The following ZNF716 variants were observed in gnomAD, a reference collection of about 807,000 sequenced individuals.
ZNF716 encodes the protein zinc finger protein 716.
A neutral mutation model predicts 13.4 loss-of-function variants in ZNF716; 9 were observed. The observed-to-expected ratio is 0.67, with a 90% confidence interval of 0.41 to 1.18. The LOEUF (loss-of-function observed/expected upper bound fraction) is 1.18. ZNF716 is among the 50% of genes most tolerant of loss of function. ZNF716 has a pLI of 0.01. For synonymous variants in ZNF716, 186 were observed against 195.2 expected (o/e 0.95, Z 0.39); for missense variants, 581 against 576.6 (o/e 1.01, Z -0.08).
rs1554325104 is a variant in ZNF716 at position 57,470,348 on chromosome 7, G to C, written c.*399G>C. ...CTGGCTGAGTTTTGTATTTTTAGTAGAGATGGGGTTTCACCATTTTGACCA... is the reference window on the plus strand; with the variant it reads ...CTGGCTGAGTTTTGTATTTTTAGTACAGATGGGGTTTCACCATTTTGACCA... On this transcript the variant is annotated 3_prime_UTR_variant, in exon 4 of 4. Coordinates refer to ENST00000420713, the MANE Select transcript of ZNF716 (RefSeq NM_001159279.1). 6.2e-6 allele frequency: 1 copy of C among 162,404 alleles called. No individual in the cohort carries two copies. Among genetic ancestry groups the C allele is most frequent in the Non-Finnish European group, 1.3e-5 (1 of 74,292 alleles). The allele number at this position is 162,404 out of a possible 1,614,324, so 10.1% of individuals were successfully genotyped here.
intron 3 of ZNF716, 145 bp from the exon 4 acceptor site, chr7:57,468,579 A>G (rs1583723876): frequency 3.7e-6 from 3 of 815,120 alleles, no homozygotes; most frequent in Admixed American, 6.4e-5. Flanking sequence ...TGTTACATTT[A>G]TACATCTATG....
intron 3 of ZNF716, among the ~76,000 whole-genome samples, chr7:57,464,317 C>T (rs1418298479): frequency 1.3e-4 from 19 of 151,802 alleles, no homozygotes; most frequent in African/African-American, 3.6e-4. Context: ...GATGGAGTTT[C>T]GCCATGTTGT....
Position 57,469,961 on chromosome 7 carries a change from C to T in ZNF716, c.*12C>T. On this transcript the variant is annotated 3_prime_UTR_variant, in exon 4 of 4. Transcript: ENST00000420713. ...ACAAATATGAATAATGTGGTAAAGT[C>T]CAGCCCTCAGGCCTTATAATACATA... 1 of 1,532,218 alleles carries T rather than the reference C, an allele frequency of 6.5e-7. No homozygotes were observed. 94.9% of individuals were successfully genotyped at this position (1,532,218 alleles called of 1,614,324 possible). A position where few individuals can be genotyped will look rare whatever the true frequency, so the allele number is the denominator to read the frequency against.
Position 57,462,510 on chromosome 7 carries a change from G to T in ZNF716, c.90G>T (p.Trp30Cys). 1 of 1,613,870 alleles carries T rather than the reference G, an allele frequency of 6.2e-7. No individual in the cohort carries two copies. The highest frequency in any genetic ancestry group is 2.2e-5 in the East Asian group (1 of 44,848). ...DIAIEFSLAE[W>C]QCLDHAQQNL... is the part of the protein sequence containing the mutation. Reference sequence around the variant, plus strand: ...CTATAGAATTTTCTCTGGCGGAATGGCAATGCCTGGATCATGCTCAGCAGA... The same window carrying T: ...CTATAGAATTTTCTCTGGCGGAATGTCAATGCCTGGATCATGCTCAGCAGA... Residue 30 changes from tryptophan to cysteine, a missense_variant, in exon 2 of 4, where the codon TGG (tryptophan) becomes TGT (cysteine). Physicochemically the swap from Trp to Cys is radical, Grantham distance 215 (BLOSUM62 -2). Coordinates refer to ENST00000420713, the MANE Select transcript of ZNF716 (RefSeq NM_001159279.1).
Position 57,469,309 on chromosome 7 carries a change from T to TTA in ZNF716, c.849_850dup (p.Thr284IlefsTer62), listed in dbSNP as rs1158918436. 1.3e-5 allele frequency: 20 copies of TTA among 1,589,070 alleles called. No individual in the cohort carries two copies. The highest frequency in any genetic ancestry group is 6.9e-5 in the Admixed American group (4 of 58,180). ...GGCAAAGTCTTTAGCCGCTCAACAC[T>TTA]TACTAACTACAAGAGAATTCATACT... On this transcript the variant is annotated frameshift_variant, in exon 4 of 4. Transcript: ENST00000420713. LOFTEE classifies it low-confidence loss of function (END_TRUNC).
chr7:57,457,551 C>T (rs1789620256), intron 1 of ZNF716, among the ~76,000 whole-genome samples: 1 of 152,064 alleles, frequency 6.6e-6, no homozygotes, highest in Admixed American at 6.6e-5. Flanking sequence ...ACAATGGTGG[C>T]CAGGCTGGTC....
At chr7:57,464,953 A>G (rs1474624097) in intron 3 of ZNF716, among the ~76,000 whole-genome samples, 1 of 152,168 alleles carries the variant, frequency 6.6e-6, no homozygotes, top group African/African-American at 2.4e-5. Flanking sequence ...TTATGTGAAT[A>G]CCACATAGTT....
At chr7:57,454,281 C>T (rs1212972340) in intron 1 of ZNF716, among the ~76,000 whole-genome samples, 2 of 152,342 alleles carry the variant, frequency 1.3e-5, no homozygotes, top group East Asian at 1.9e-4. Context: ...GAGATAGATA[C>T]TTTTGCTTTT....
Position 57,450,208 on chromosome 7 carries a change from C to A in ZNF716, c.-81C>A. On this transcript the variant is annotated 5_prime_UTR_variant, in exon 1 of 4. Transcript: ENST00000420713. ...GCTTCTCTGCGCCCAGAGCTCCAGTCCTTCTCTTCACTGCTCTGCGTCCTC... is the reference window on the plus strand; with the variant it reads ...GCTTCTCTGCGCCCAGAGCTCCAGTACTTCTCTTCACTGCTCTGCGTCCTC... 1 of 1,600,204 alleles carries A rather than the reference C, an allele frequency of 6.2e-7. No individual in the cohort carries two copies. The highest frequency in any genetic ancestry group is 1.7e-5 in the Admixed American group (1 of 58,500).
At chr7:57,461,547 G>A (rs1285071010) in intron 1 of ZNF716, among the ~76,000 whole-genome samples, 1 of 152,038 alleles carries the variant, frequency 6.6e-6, no homozygotes, top group Non-Finnish European at 1.5e-5. Context: ...CTTTTTAGAT[G>A]ATTTTTGCAT....
intron 3 of ZNF716, 112 bp from the exon 4 acceptor site, chr7:57,468,612 T>A (rs1789854985): frequency 9.0e-7 from 1 of 1,112,206 alleles, no homozygotes; most frequent in Non-Finnish European, 1.2e-6. Flanking sequence ...CTTGTGGTAT[T>A]TTGATATGCC....
Position 57,470,179 on chromosome 7 carries a change from T to G in ZNF716, c.*230T>G. 1 of 375,714 alleles carries G rather than the reference T, an allele frequency of 2.7e-6. No homozygotes were observed. The highest frequency in any genetic ancestry group is 4.5e-6 in the Non-Finnish European group (1 of 221,320). 23.3% of individuals were successfully genotyped at this position (375,714 alleles called of 1,614,324 possible). On this transcript the variant is annotated 3_prime_UTR_variant, in exon 4 of 4. Coordinates refer to ENST00000420713, the MANE Select transcript of ZNF716 (RefSeq NM_001159279.1). ...CAAGAGAATTTATTTAAAAAAATTTTTTTGAGACAGAGTCTCACTTTGTCA... is the reference window on the plus strand; with the variant it reads ...CAAGAGAATTTATTTAAAAAAATTTGTTTGAGACAGAGTCTCACTTTGTCA...
In ZNF716 at chr7:57,463,167, A is replaced by G. The variant is rs577243689; in HGVS notation, c.261A>G (p.Pro87=). The change falls in exon 3 of 4, where the codon CCA becomes CCG. Residue 87 remains proline (P), a splice_region_variant and synonymous_variant. Coordinates refer to ENST00000420713, the MANE Select transcript of ZNF716 (RefSeq NM_001159279.1). ...GAAATGAGATGGTAGCCAAACACCCAGGTAGGTGAGAGCGAATGAAGCAGA... is the reference window on the plus strand; with the variant it reads ...GAAATGAGATGGTAGCCAAACACCCGGGTAGGTGAGAGCGAATGAAGCAGA... The part of the protein sequence containing the change: ...IKRNEMVAKH[P]VTCSHFTQDL... The G allele has an allele frequency of 1.5e-5, 24 of 1,607,244 alleles. No homozygotes were observed. In the African/African-American group the frequency reaches 3.2e-4, roughly 21 times the overall value.
At chr7:57,468,465 ACTTTT>A (rs1789853005) in intron 3 of ZNF716, among the ~76,000 whole-genome samples, 1 of 152,238 alleles carries the variant, frequency 6.6e-6, no homozygotes, top group Non-Finnish European at 1.5e-5. Flanking sequence ...AATGTAGCAG[ACTTTT>A]CTTTTGTCTC....
Position 57,473,177 on chromosome 7 carries a change from A to G in ZNF716, c.*3228A>G, listed in dbSNP as rs1202467269. 1 of 152,200 alleles carries G rather than the reference A, an allele frequency of 6.6e-6. No homozygotes were observed. Among genetic ancestry groups the G allele is most frequent in the African/African-American group, 2.4e-5 (1 of 41,448 alleles). The allele number at this position is 152,200 out of a possible 1,614,324, so 9.4% of individuals were successfully genotyped here. A position where few individuals can be genotyped will look rare whatever the true frequency, so the allele number is the denominator to read the frequency against. ...TTGCACATGTGGCATCTCTGCTGAC[A>G]AACAAAAACAGACTTTTAGTTTCAA... On this transcript the variant is annotated 3_prime_UTR_variant, in exon 4 of 4. Coordinates refer to ENST00000420713, the MANE Select transcript of ZNF716 (RefSeq NM_001159279.1).
At chr7:57,464,137 T>C (rs1456775819) in intron 3 of ZNF716, among the ~76,000 whole-genome samples, 2 of 148,214 alleles carry the variant, frequency 1.3e-5, no homozygotes, top group African/African-American at 5.0e-5. Flanking sequence ...TTTTTTTTTT[T>C]TGAGATGGAG....
chr7:57,458,911 T>C (rs1167809064), intron 1 of ZNF716, among the ~76,000 whole-genome samples: 1 of 152,200 alleles, frequency 6.6e-6, no homozygotes, highest in South Asian at 2.1e-4. Flanking sequence ...CTTGTTGATG[T>C]GGATGTTTAG....
chr7:57,451,986 C>G (rs1554321621), intron 1 of ZNF716, among the ~76,000 whole-genome samples: 1 of 152,008 alleles, frequency 6.6e-6, no homozygotes, highest in Non-Finnish European at 1.5e-5. Flanking sequence ...AGGCTGGTCT[C>G]AAATTCCTGA....
chr7:57,454,921 G>T (rs1789560085), intron 1 of ZNF716, among the ~76,000 whole-genome samples: 1 of 152,022 alleles, frequency 6.6e-6, no homozygotes, highest in Non-Finnish European at 1.5e-5. Context: ...AGCTACTTGG[G>T]AGGCTGAGGC....
Sources: allele counts gnomAD v4.1 joint callset (sites outside exome capture counted in the v4.1 genomes callset), GRCh38; gene constraint gnomAD v4.1.1; transcripts MANE v1.5; gene names NCBI Gene and HGNC (gene_info 2026-07-23, HGNC 2026-07-21).